The following TENM2 variants were observed in gnomAD, a reference collection of about 807,000 sequenced individuals.
TENM2 encodes teneurin transmembrane protein 2, also known as teneurin-2.
A neutral mutation model predicts 245.2 loss-of-function variants in TENM2; 52 were observed. The observed-to-expected ratio is 0.21, with a 90% CI of 0.17 to 0.27. TENM2 has a LOEUF of 0.27. TENM2 is among the 10% of genes least tolerant of loss of function. The probability of loss-of-function intolerance (pLI) is 1.00; values close to 1 mark genes in which losing one functional copy is unlikely to be tolerated. For synonymous variants in TENM2, 1,363 were observed against 1,438.9 expected (o/e 0.95, Z 1.19); for missense variants, 3,046 against 3,666.8 (o/e 0.83, Z 4.37).
the TENM2 span, among the ~76,000 whole-genome samples, chr5:167,218,389 G>A: frequency 6.6e-6 from 1 of 151,934 alleles, no homozygotes; most frequent in Non-Finnish European, 1.5e-5. Flanking sequence ...TCCCCTCCTG[G>A]TTGCTTATTT....
At chr5:167,556,354 A>G (rs1452917761) in intron 2 of TENM2, among the ~76,000 whole-genome samples, 1 of 151,750 alleles carries the variant, frequency 6.6e-6, no homozygotes, top group African/African-American at 2.4e-5. Context: ...CAATAATGGC[A>G]TCTTTCTGAA....
At chr5:167,292,313 G>T (rs533307404) in intron 1 of TENM2, among the ~76,000 whole-genome samples, 1 of 152,226 alleles carries the variant, frequency 6.6e-6, no homozygotes, top group East Asian at 1.9e-4. Context: ...CTCAAAATTT[G>T]TTTCCGTTTT....
At chr5:167,854,418 G>C (rs969703540) in intron 2 of TENM2, among the ~76,000 whole-genome samples, 1 of 152,312 alleles carries the variant, frequency 6.6e-6, no homozygotes, top group Middle Eastern at 3.4e-3. Context: ...TGAAATATGT[G>C]CTGCGTCTTC....
intron 2 of TENM2, among the ~76,000 whole-genome samples, chr5:167,677,332 T>C (rs1007535000): frequency 6.6e-6 from 1 of 152,074 alleles, no homozygotes; most frequent in African/African-American, 2.4e-5. Context: ...ATAAAGATCT[T>C]CTTTACAAAG....
chr5:168,162,803 G>A (rs1581498537), intron 13 of TENM2, 46 bp downstream of exon 15: 3 of 1,594,358 alleles, frequency 1.9e-6, no homozygotes, highest in Non-Finnish European at 2.6e-6. Flanking sequence ...GCAGAGCGTT[G>A]TCCATGCTTT....
At chr5:167,708,750 T>C (rs554559956) in intron 2 of TENM2, among the ~76,000 whole-genome samples, 2 of 152,300 alleles carry the variant, frequency 1.3e-5, no homozygotes, top group East Asian at 3.9e-4. Flanking sequence ...AAAAGAACTA[T>C]GCTTTTACCG....
At chr5:167,964,173 G>A (rs1781218612) in intron 4 of TENM2, among the ~76,000 whole-genome samples, 1 of 152,174 alleles carries the variant, frequency 6.6e-6, no homozygotes, top group Non-Finnish European at 1.5e-5. Flanking sequence ...AAGTGACAAG[G>A]TGAGAAATCT....
chr5:167,969,526 C>T (rs1781618319), intron 4 of TENM2, among the ~76,000 whole-genome samples: 3 of 152,158 alleles, frequency 2.0e-5, no homozygotes, highest in Non-Finnish European at 4.4e-5. Flanking sequence ...TACAGATGTT[C>T]TTGTCCCCTT....
chr5:167,678,989 C>T (rs1216369173), intron 2 of TENM2, among the ~76,000 whole-genome samples: 2 of 152,000 alleles, frequency 1.3e-5, no homozygotes, highest in Non-Finnish European at 2.9e-5. Context: ...TGTAGTCAAT[C>T]AGGAGTCAGT....
rs565627553 is a variant in TENM2 at position 168,001,355 on chromosome 5, A to G, written c.1186+8173A>G. On this transcript the variant is annotated intron_variant, in intron 5 of 28. Coordinates refer to ENST00000518659, the Ensembl canonical transcript of TENM2. ...AAACTGGGAAGTGTTTGTATCTGGC[A>G]TAAGGCCATCATTTGGCACTGATAT... Among the ~76,000 whole-genome samples the G allele has an allele frequency of 3.9e-5, 6 of 152,378 alleles. 1 individual carries two copies. The highest frequency in any genetic ancestry group is 1.4e-4 in the African/African-American group (6 of 41,598).
At chr5:168,214,938 A>C in intron 20 of TENM2, 102 bp from the exon 23 acceptor site, 4 of 882,132 alleles carry the variant, frequency 4.5e-6, no homozygotes, top group Non-Finnish European at 7.5e-6. Flanking sequence ...GAAAGACACT[A>C]GAGAAGGTAA....
At chr5:168,017,776 G>A (rs1785786730) in intron 5 of TENM2, among the ~76,000 whole-genome samples, 1 of 152,126 alleles carries the variant, frequency 6.6e-6, no homozygotes, top group Non-Finnish European at 1.5e-5. Flanking sequence ...TTCAGTTGTG[G>A]CTATTTGAGA....
At position 168,218,211 on chromosome 5, in the gene TENM2, C is replaced by T. The variant is rs376613005; in HGVS notation, c.4320C>T (p.Ile1440=). 1.2e-6 allele frequency: 2 copies of T among 1,613,806 alleles called. No individual in the cohort carries two copies. Among genetic ancestry groups the T allele is most frequent in the African/African-American group, 2.7e-5 (2 of 74,902 alleles). The change falls in exon 23 of 29, where the codon ATC becomes ATT. Residue 1440 remains isoleucine, a synonymous_variant. Transcript: ENST00000518659. This position sits in a 1 kb window ranked among gnomAD's most constrained non-coding sequence, Gnocchi z 5.2. ...TAGAGAACAATGTCATCCTTCGAAT[C>T]ACCGAGAACCACCAAGTCAGCATCA...
rs547819149 is a variant in TENM2, at chr5:168,191,796, C to T, written c.2780+1249C>T. Among the ~76,000 whole-genome samples, 4 of 152,216 alleles carry T rather than the reference C, an allele frequency of 2.6e-5. No homozygotes were observed. In the South Asian group the frequency reaches 8.3e-4, roughly 32 times the overall value. On this transcript the variant is annotated intron_variant, in intron 14 of 28. Coordinates refer to ENST00000518659, the Ensembl canonical transcript of TENM2. ...CTCGGAGCCCCTCTCATGAGCCTTT[C>T]ATCGGTCCCCAACCGAGACAGCCCA...
At chr5:167,392,071 T>C (rs2127364663) in intron 2 of TENM2, among the ~76,000 whole-genome samples, 1 of 152,234 alleles carries the variant, frequency 6.6e-6, no homozygotes, top group South Asian at 2.1e-4. Flanking sequence ...CTTCCGGTGT[T>C]GGTGTGGCTT....
At chr5:167,350,326 A>G (rs1758747108) in intron 1 of TENM2, among the ~76,000 whole-genome samples, 1 of 151,980 alleles carries the variant, frequency 6.6e-6, no homozygotes, top group African/African-American at 2.4e-5. Flanking sequence ...CCTTTCCTAT[A>G]AAACACAACT....
At chr5:168,096,511 T>A (rs1793384252) in intron 8 of TENM2, among the ~76,000 whole-genome samples, 1 of 152,106 alleles carries the variant, frequency 6.6e-6, no homozygotes, top group Admixed American at 6.6e-5. Flanking sequence ...ACTCATTGAG[T>A]TTTCCTCAGA....
In TENM2 at chr5:167,383,228, C is replaced by A. The variant is rs557208214; in HGVS notation, c.502+7755C>A. ...ATTCCAGGGAAATGAAGGCCATATA[C>A]GAAAATGCCAAAATGAGCAATGTAG... On this transcript the variant is annotated intron_variant, in intron 2 of 28. Coordinates refer to ENST00000518659, the Ensembl canonical transcript of TENM2. Among the ~76,000 whole-genome samples the A allele has an allele frequency of 5.3e-5, 8 of 152,012 alleles. No homozygotes were observed. The East Asian group carries it at 1.5e-3, about 29-fold the overall frequency.
chr5:167,746,580 AGAATCTG>A (rs888273127), intron 2 of TENM2, among the ~76,000 whole-genome samples: 10 of 151,988 alleles, frequency 6.6e-5, no homozygotes, highest in African/African-American at 2.4e-4. Context: ...CAATTATTTA[AGAATCTG>A]TGCCAAGACT....
Sources: allele counts gnomAD v4.1 joint callset (sites outside exome capture counted in the v4.1 genomes callset), GRCh38; gene constraint gnomAD v4.1.1; non-coding constraint Gnocchi (gnomAD v3.1); transcripts MANE v1.5; gene names NCBI Gene and HGNC (gene_info 2026-07-23, HGNC 2026-07-21).